Variants in EYS observed in about 807,000 individuals in gnomAD.
The protein encoded by EYS is protein eyes shut homolog.
Under a neutral mutation model 282.1 loss-of-function variants are expected in EYS, and 250 were observed. The observed-to-expected ratio is 0.89, with a 90% CI of 0.80 to 0.98. The LOEUF is 0.98. Ranked by LOEUF, EYS falls within the 50% of genes least tolerant of loss-of-function variation. The pLI is 0.00. For missense variants in EYS, 4,016 were observed against 3,709.0 expected (o/e 1.08, Z -2.15); for synonymous variants, 1,355 against 1,282.9 (o/e 1.06, Z -1.20).
chr6:63,896,828 G>T (rs1225960863), intron 35 of EYS, among the ~76,000 whole-genome samples: 3 of 151,958 alleles, frequency 2.0e-5, no homozygotes, highest in Non-Finnish European at 4.4e-5. Context: ...TTTGAAATGG[G>T]CTTCTTTCAT....
At position 65,026,916 on chromosome 6, in the gene EYS, C is replaced by CAAAAAAAAAAAAAAA. The variant is rs1260312589; in HGVS notation, c.2138-29214_2138-29213insTTTTTTTTTTTTTTT. Among the ~76,000 whole-genome samples the CAAAAAAAAAAAAAAA allele has an allele frequency of 2.3e-3, 251 of 107,766 alleles. 6 individuals are homozygous for CAAAAAAAAAAAAAAA. The highest frequency in any genetic ancestry group is 3.3e-3 in the African/African-American group (100 of 30,622). The allele number at this position is 107,766 out of a possible 152,430, so 70.7% of individuals were successfully genotyped here. A position where few individuals can be genotyped will look rare whatever the true frequency, so the allele number is the denominator to read the frequency against. On this transcript the variant is annotated intron_variant, in intron 13 of 42. Coordinates refer to ENST00000503581, the MANE Select transcript of EYS (RefSeq NM_001142800.2). ...TGGGCGACAGAGTGAGACTCCGTCT[C>CAAAAAAAAAAAAAAA]AAAAAAAAAAAAAAGATTCAGATAT...
intron 31 of EYS, among the ~76,000 whole-genome samples, chr6:64,203,145 A>G (rs930879505): frequency 6.6e-6 from 1 of 152,204 alleles, no homozygotes; most frequent in Non-Finnish European, 1.5e-5. Context: ...TGAGAGATTG[A>G]CTATAAAGGC....
chr6:63,763,047 A>C (rs1026570156), intron 40 of EYS, among the ~76,000 whole-genome samples: 5 of 152,048 alleles, frequency 3.3e-5, no homozygotes, highest in Non-Finnish European at 7.4e-5. Flanking sequence ...TGGCAAACTC[A>C]CAGGCTCAGC....
At chr6:64,506,908 TAA>T (rs530521158) in intron 26 of EYS, among the ~76,000 whole-genome samples, 4 of 97,814 alleles carry the variant, frequency 4.1e-5, no homozygotes, top group African/African-American at 4.8e-5. Context: ...GGCTGTGTCT[TAA>T]AAAAAAAAAA....
chr6:64,815,921 T>C (rs997690444), intron 21 of EYS, among the ~76,000 whole-genome samples: 1 of 152,082 alleles, frequency 6.6e-6, no homozygotes, highest in African/African-American at 2.4e-5. Context: ...GGCTAGTAAA[T>C]GTGACAGTTA....
At chr6:64,398,521 C>T (rs150791011) in intron 28 of EYS, among the ~76,000 whole-genome samples, 1 of 151,992 alleles carries the variant, frequency 6.6e-6, no homozygotes, top group Non-Finnish European at 1.5e-5. Context: ...CACACACACA[C>T]ACAAATATAC....
intron 35 of EYS, among the ~76,000 whole-genome samples, chr6:63,962,382 G>A (rs1244037163): frequency 6.6e-6 from 1 of 152,014 alleles, no homozygotes; most frequent in Non-Finnish European, 1.5e-5. Context: ...CTAATATCCA[G>A]AATCTACAAA....
At chr6:65,229,879 A>G (rs1241508697) in intron 12 of EYS, among the ~76,000 whole-genome samples, 1 of 151,964 alleles carries the variant, frequency 6.6e-6, no homozygotes, top group Non-Finnish European at 1.5e-5. Flanking sequence ...GTTTTGTGTA[A>G]TTGCCCAGTT....
At chr6:64,906,623 T>A (rs1767834744) in intron 16 of EYS, among the ~76,000 whole-genome samples, 1 of 152,188 alleles carries the variant, frequency 6.6e-6, no homozygotes, top group Admixed American at 6.5e-5. Flanking sequence ...AAGCGTAGGA[T>A]CCCAATTGTA....
chr6:64,120,376 A>G (rs886737953), intron 31 of EYS, among the ~76,000 whole-genome samples: 31 of 150,790 alleles, frequency 2.1e-4, no homozygotes, highest in Admixed American at 5.9e-4. Context: ...AAAAAAAAAA[A>G]AAAAAAGAAA....
chr6:65,463,015 C>T (rs1484311478), intron 5 of EYS, among the ~76,000 whole-genome samples: 2 of 152,000 alleles, frequency 1.3e-5, no homozygotes, highest in Non-Finnish European at 2.9e-5. Flanking sequence ...AACTGGCTTT[C>T]CTGCTTCTAT....
chr6:65,614,108 T>C (rs1297225475), intron 2 of EYS, among the ~76,000 whole-genome samples: 3 of 152,028 alleles, frequency 2.0e-5, no homozygotes, highest in Non-Finnish European at 4.4e-5. Context: ...CTTATTTCAT[T>C]TTCCATTATC....
chr6:64,038,238 G>A (rs192087732), intron 33 of EYS, among the ~76,000 whole-genome samples: 3 of 152,180 alleles, frequency 2.0e-5, no homozygotes, highest in South Asian at 2.1e-4. Context: ...ATCTGTTCAG[G>A]AGGTCTATTT....
intron 2 of EYS, among the ~76,000 whole-genome samples, chr6:65,569,510 T>C (rs1298308514): frequency 1.3e-5 from 2 of 152,110 alleles, no homozygotes; most frequent in African/African-American, 4.8e-5. Flanking sequence ...AAATTATGGC[T>C]TAGGAGCCAT....
At chr6:64,257,563 T>C (rs1286389974) in intron 30 of EYS, among the ~76,000 whole-genome samples, 4 of 152,062 alleles carry the variant, frequency 2.6e-5, no homozygotes, top group African/African-American at 9.7e-5. Flanking sequence ...AGGCAGGGCC[T>C]ATGACTTTTG....
intron 16 of EYS, among the ~76,000 whole-genome samples, chr6:64,910,929 A>G (rs887524185): frequency 1.3e-5 from 2 of 152,046 alleles, no homozygotes; most frequent in African/African-American, 4.8e-5. Flanking sequence ...AAGTTTGTCT[A>G]AAGTGAATAA....
At chr6:65,399,702 G>C (rs190336111) in intron 7 of EYS, among the ~76,000 whole-genome samples, 88 of 152,090 alleles carry the variant, frequency 5.8e-4, no homozygotes, top group African/African-American at 2.1e-3. Flanking sequence ...GTATATTTAC[G>C]TGGAAAGTTT....
intron 35 of EYS, among the ~76,000 whole-genome samples, chr6:63,967,264 C>A (rs947418802): frequency 2.0e-5 from 3 of 152,030 alleles, no homozygotes; most frequent in African/African-American, 7.2e-5. Context: ...CAGGAGTGTC[C>A]CCAATTTAAA....
At chr6:65,677,051 C>T (rs973276523) in intron 1 of EYS, among the ~76,000 whole-genome samples, 1 of 132,962 alleles carries the variant, frequency 7.5e-6, no homozygotes, top group African/African-American at 2.8e-5. Flanking sequence ...AAAAAAATCT[C>T]AACACGATGA....
Sources: allele counts gnomAD v4.1 joint callset (sites outside exome capture counted in the v4.1 genomes callset), GRCh38; gene constraint gnomAD v4.1.1; transcripts MANE v1.5; gene names NCBI Gene and HGNC (gene_info 2026-07-23, HGNC 2026-07-21).